Variants in DIS3L2 observed in about 807,000 individuals in gnomAD.
DIS3L2 encodes the protein DIS3-like exonuclease 2.
Under a neutral mutation model 97.5 loss-of-function variants are expected in DIS3L2, and 34 were observed. That is an observed-to-expected ratio of 0.35 (90% CI 0.27 to 0.46). The LOEUF is 0.46. DIS3L2 is among the 20% of genes least tolerant of loss of function. The pLI, the probability that DIS3L2 is intolerant of heterozygous loss-of-function variation, is 1.00. For synonymous variants in DIS3L2, 435 were observed against 445.2 expected, an observed-to-expected ratio of 0.98 and a Z score of 0.29; for missense variants, 1,038 against 1,146.0, an observed-to-expected ratio of 0.91 and a Z score of 1.36.
Position 232,334,737 on chromosome 2 carries a change from TGAGTGCCCTGG to T in DIS3L2, c.2394+6_2394+16del, listed in dbSNP as rs1461751910. On this transcript the variant is annotated splice_donor_5th_base_variant and intron_variant, in intron 19 of 20. Coordinates refer to ENST00000325385, the MANE Select transcript of DIS3L2 (RefSeq NM_152383.5). Reference sequence around the variant, plus strand: ...GTGCAGAAGCGCATCTACTGCAACGTGAGTGCCCTGGGAGAGCCCGGGGGCGGGCAGGGCAG... The same window carrying T: ...GTGCAGAAGCGCATCTACTGCAACGTGAGAGCCCGGGGGCGGGCAGGGCAG... 1 of 1,601,170 alleles carries T rather than the reference TGAGTGCCCTGG, an allele frequency of 6.2e-7. No homozygotes were observed. Among genetic ancestry groups the T allele is most frequent in the Non-Finnish European group, 8.5e-7 (1 of 1,174,630 alleles).
rs138755344 is a variant in DIS3L2, at chr2:232,204,393, A to G, written c.1125-5933A>G. On this transcript the variant is annotated intron_variant, in intron 9 of 20. Transcript: ENST00000325385. The stretch of plus-strand genomic sequence containing the variant: ...TAGAAGACTTACTCTTCATGTGTTC[A>G]TTCCCAGACCAATGGCTTTGGGTAA... Among the ~76,000 whole-genome samples, 1,421 of 152,302 alleles carry G rather than the reference A, an allele frequency of 9.3e-3. 18 individuals carry two copies. Among genetic ancestry groups the G allele is most frequent in the African/African-American group, 0.032 (1,339 of 41,560 alleles).
Position 232,249,339 on chromosome 2 carries a change from A to G in DIS3L2, c.1418A>G (p.Glu473Gly), listed in dbSNP as rs766892626. The part of the protein sequence containing the change: ...TFSVIWTLTP[E>G]GKILDEWFGR... ...TCTGTGATCTGGACACTGACTCCAG[A>G]GGGCAAGGTAACAACTTACACGTTT... The change falls in exon 12 of 21, where the codon GAG becomes GGG. Residue 473 changes from glutamate to glycine, a missense_variant. This residue lies in a region of DIS3L2 where 813 missense variants were observed against 880.1 expected (regional missense o/e 0.92). Coordinates refer to ENST00000325385, the MANE Select transcript of DIS3L2 (RefSeq NM_152383.5). The G allele has an allele frequency of 6.2e-7, 1 of 1,614,042 alleles. No individual in the cohort carries two copies. Among genetic ancestry groups the G allele is most frequent in the African/African-American group, 1.3e-5 (1 of 74,934 alleles).
chr2:232,185,955 A>G (rs541678005), intron 9 of DIS3L2, among the ~76,000 whole-genome samples: 25 of 152,294 alleles, frequency 1.6e-4, no homozygotes, highest in African/African-American at 5.1e-4. Context: ...AACGGTAGAG[A>G]AAATTGGTGA....
chr2:232,317,657 G>A (rs942100794), intron 14 of DIS3L2, among the ~76,000 whole-genome samples: 9 of 152,010 alleles, frequency 5.9e-5, no homozygotes, highest in South Asian at 2.1e-4. Context: ...GCCTGGTCTC[G>A]AATTCCTGGC....
At chr2:232,329,785 T>TGCCCGGGGGGGGGGGCCCCCC in intron 14 of DIS3L2, 28 bp from the exon 15 acceptor site, 2 of 967,138 alleles carry the variant, frequency 2.1e-6, no homozygotes, top group Non-Finnish European at 1.5e-6. Context: ...ACCCCAGCGG[T>TGCCCGGGGGGGGGGGCCCCCC]CCCTCCCATC....
rs116340454 is a variant in DIS3L2 at position 232,325,693 on chromosome 2, G to A, written c.1740-4120G>A. Among the ~76,000 whole-genome samples the A allele has an allele frequency of 1.3e-4, 20 of 152,320 alleles. No homozygotes were observed. The highest frequency in any genetic ancestry group is 3.9e-4 in the Admixed American group (6 of 15,308). ...GCCTGGATCCAAGGCCCCCGTCTCC[G>A]AGGCCTTAGCTTGCTGTTCTGGAAG... On this transcript the variant is annotated intron_variant, in intron 14 of 20. Transcript: ENST00000325385. The surrounding 1 kb of genome is among the most constrained non-coding windows in gnomAD (Gnocchi z 4.6).
intron 5 of DIS3L2, among the ~76,000 whole-genome samples, chr2:232,086,216 CA>C (rs1315920533): frequency 6.6e-6 from 1 of 151,556 alleles, no homozygotes; most frequent in Non-Finnish European, 1.5e-5. Context: ...CGTATATATA[CA>C]CACGTATAGA....
intron 12 of DIS3L2, among the ~76,000 whole-genome samples, chr2:232,253,489 G>A (rs1693472419): frequency 6.6e-6 from 1 of 152,126 alleles, no homozygotes; most frequent in South Asian, 2.1e-4. Context: ...AATATACATA[G>A]CACACAGAAA....
intron 1 of DIS3L2, among the ~76,000 whole-genome samples, chr2:231,992,008 A>G (rs2106192054): frequency 6.6e-6 from 1 of 152,138 alleles, no homozygotes; most frequent in East Asian, 1.9e-4. Flanking sequence ...GGACCTTATG[A>G]GGGGAGGTAT....
At chr2:232,264,917 T>A (rs947881334) in intron 13 of DIS3L2, among the ~76,000 whole-genome samples, 2 of 152,228 alleles carry the variant, frequency 1.3e-5, no homozygotes, top group African/African-American at 4.8e-5. Context: ...CAGCCTGGGC[T>A]CGGGCAGCCT....
intron 10 of DIS3L2, among the ~76,000 whole-genome samples, chr2:232,232,052 G>A (rs1317993959): frequency 6.6e-6 from 1 of 152,192 alleles, no homozygotes; most frequent in African/African-American, 2.4e-5. Flanking sequence ...TGTGAGCATG[G>A]GAGCCCCATC....
intron 9 of DIS3L2, among the ~76,000 whole-genome samples, chr2:232,165,241 C>G (rs1241413036): frequency 6.6e-6 from 1 of 152,136 alleles, no homozygotes; most frequent in African/African-American, 2.4e-5. Context: ...TCCATGTTGA[C>G]TTTCCTAAAA....
In DIS3L2 at chr2:232,103,783, A is replaced by T. The variant is rs538058755; in HGVS notation, c.601+16062A>T. On this transcript the variant is annotated intron_variant, in intron 6 of 20. Transcript: ENST00000325385. Reference sequence around the variant, plus strand: ...CAATTGAAGAACTCATACTTGAAACATGGGCTAGAGCTTTCTTTAGTTGGC... The same window carrying T: ...CAATTGAAGAACTCATACTTGAAACTTGGGCTAGAGCTTTCTTTAGTTGGC... Among the ~76,000 whole-genome samples the T allele has an allele frequency of 2.8e-3, 426 of 152,314 alleles. 1 individual carries two copies. Among genetic ancestry groups the T allele is most frequent in the Non-Finnish European group, 4.7e-3 (317 of 68,024 alleles).
intron 6 of DIS3L2, among the ~76,000 whole-genome samples, chr2:232,117,409 G>C (rs538543840): frequency 6.6e-6 from 1 of 152,206 alleles, no homozygotes; most frequent in African/African-American, 2.4e-5. Flanking sequence ...ACGTAAATCA[G>C]ATGATTCTTG....
At chr2:232,021,559 G>C (rs1391536558) in intron 3 of DIS3L2, among the ~76,000 whole-genome samples, 5 of 151,990 alleles carry the variant, frequency 3.3e-5, no homozygotes, top group African/African-American at 1.2e-4. Context: ...TGACAGGCTA[G>C]GGTTGCTTGG....
At chr2:232,182,448 T>G (rs1691316357) in intron 9 of DIS3L2, among the ~76,000 whole-genome samples, 1 of 152,212 alleles carries the variant, frequency 6.6e-6, no homozygotes, top group Non-Finnish European at 1.5e-5. Context: ...TGATTTATAG[T>G]TTTGTTTAAG....
intron 14 of DIS3L2, among the ~76,000 whole-genome samples, chr2:232,319,546 A>C (rs950035042): frequency 1.3e-4 from 20 of 152,326 alleles, no homozygotes; most frequent in African/African-American, 3.1e-4. Flanking sequence ...AGGCAGAGGC[A>C]GCTGGACTGA....
At chr2:232,028,482 G>A (rs575222486) in intron 4 of DIS3L2, among the ~76,000 whole-genome samples, 9 of 152,270 alleles carry the variant, frequency 5.9e-5, no homozygotes, top group African/African-American at 1.9e-4. Context: ...GTTCAACTCA[G>A]CCCTGCTTTC....
At chr2:232,076,349 T>C (rs893765061) in intron 5 of DIS3L2, among the ~76,000 whole-genome samples, 2 of 152,182 alleles carry the variant, frequency 1.3e-5, no homozygotes, top group African/African-American at 4.8e-5. Flanking sequence ...GCTTTCTGCT[T>C]TCCCTCATAG....
Sources: gnomAD v4.1 joint callset for allele counts (sites outside exome capture counted in the v4.1 genomes callset) on GRCh38, gnomAD v4.1.1 for gene constraint, gnomAD v4.1.1 regional missense constraint, Gnocchi (gnomAD v3.1) non-coding constraint, MANE v1.5 for transcripts, NCBI Gene and HGNC (gene_info 2026-07-23, HGNC 2026-07-21) for gene names.